The following GRID1 variants were observed in gnomAD, a reference collection of about 807,000 sequenced individuals.
The protein encoded by GRID1 is glutamate receptor ionotropic, delta-1.
A neutral mutation model predicts 98.0 loss-of-function variants in GRID1; 28 were observed. The ratio of observed to expected loss-of-function variants is 0.29; its 90% CI spans 0.21 to 0.39. The LOEUF is 0.39. Among genes scored for constraint, GRID1 ranks in the 10% least tolerant of loss-of-function variants. The pLI is 1.00. For missense variants in GRID1, 1,111 were observed against 1,340.5 expected, an observed-to-expected ratio of 0.83 and a Z score of 2.67; for synonymous variants, 553 against 538.5, an observed-to-expected ratio of 1.03 and a Z score of -0.37.
intron 8 of GRID1, among the ~76,000 whole-genome samples, chr10:85,821,352 A>G (rs757660651): frequency 7.3e-5 from 11 of 151,368 alleles, no homozygotes; most frequent in Admixed American, 1.3e-4. Context: ...CCCCATCTCT[A>G]CTAAAAATAC....
chr10:85,968,635 G>T (rs923099125), intron 4 of GRID1, among the ~76,000 whole-genome samples: 1 of 151,930 alleles, frequency 6.6e-6, no homozygotes, highest in African/African-American at 2.4e-5. Flanking sequence ...ATCTGTTCCA[G>T]TTTGTTTTAA....
In GRID1 at chr10:85,602,442, G is replaced by A. The variant is rs760574481; in HGVS notation, c.2861C>T (p.Pro954Leu). 8.7e-6 allele frequency: 14 copies of A among 1,613,998 alleles called. No homozygotes were observed. The highest frequency in any genetic ancestry group is 4.0e-5 in the African/African-American group (3 of 74,948). ...GGGCATGGTCGCCGAGCTGCTCAGC[G>A]GCAGCGGCAGGTTGCTGCTGGGCCC... ...SSGPSSNLPL[P>L]LSSSATMPSM... The change falls in exon 16 of 16, where the codon CCG (proline) becomes CTG (leucine). Residue 954 changes from proline to leucine, a missense_variant. Pro to Leu is a moderately conservative substitution (Grantham distance 98). Around this residue, in one of 3 missense-constraint regions of GRID1, gnomAD observed 762 missense variants for 869.1 expected, o/e 0.88. Coordinates refer to ENST00000327946, the MANE Select transcript of GRID1 (RefSeq NM_017551.3).
intron 12 of GRID1, among the ~76,000 whole-genome samples, chr10:85,711,204 G>A (rs1841578519): frequency 6.6e-6 from 1 of 151,918 alleles, no homozygotes; most frequent in Non-Finnish European, 1.5e-5. Flanking sequence ...ATTTACAACA[G>A]CTAAAATGTG....
chr10:86,207,276 A>C (rs1368709179), intron 2 of GRID1, among the ~76,000 whole-genome samples: 1 of 152,240 alleles, frequency 6.6e-6, no homozygotes, highest in African/African-American at 2.4e-5. Flanking sequence ...ATACTGGGCC[A>C]AACCCCAGAT....
chr10:85,865,912 CATATAT>C (rs375258556), intron 6 of GRID1, among the ~76,000 whole-genome samples: 6,701 of 83,106 alleles, frequency 0.081, 410 homozygotes, highest in Non-Finnish European at 0.1. Flanking sequence ...TACATATATA[CATATAT>C]ATATATATAT....
chr10:85,773,829 A>G (rs548710565), intron 8 of GRID1, among the ~76,000 whole-genome samples: 8 of 152,360 alleles, frequency 5.3e-5, no homozygotes, highest in African/African-American at 1.9e-4. Context: ...GAAAGAGGAT[A>G]CAAAGAAATG....
At chr10:85,699,081 C>A (rs946024122) in intron 12 of GRID1, among the ~76,000 whole-genome samples, 7 of 152,062 alleles carry the variant, frequency 4.6e-5, no homozygotes, top group African/African-American at 1.7e-4. Flanking sequence ...GAGATAGAGT[C>A]TCACTCTGTG....
intron 3 of GRID1, among the ~76,000 whole-genome samples, chr10:86,181,160 G>A (rs1357706354): frequency 6.6e-6 from 1 of 152,212 alleles, no homozygotes. Context: ...CCTGGTATTT[G>A]CTTACAAACC....
At chr10:86,137,856 T>G (rs889476198) in intron 4 of GRID1, among the ~76,000 whole-genome samples, 1 of 152,172 alleles carries the variant, frequency 6.6e-6, no homozygotes, top group East Asian at 1.9e-4. Flanking sequence ...TCCTGATGCA[T>G]GAGGTAGCAT....
chr10:85,905,217 T>C (rs951470717), intron 5 of GRID1, among the ~76,000 whole-genome samples: 16 of 152,042 alleles, frequency 1.1e-4, no homozygotes, highest in African/African-American at 2.9e-4. Flanking sequence ...AGGAAGATAG[T>C]AAGGCAACAT....
chr10:85,939,378 T>G (rs1841968709), intron 4 of GRID1, among the ~76,000 whole-genome samples: 1 of 152,228 alleles, frequency 6.6e-6, no homozygotes, highest in Non-Finnish European at 1.5e-5. Flanking sequence ...TTTAGTGATT[T>G]AGCAAAAACC....
intron 3 of GRID1, among the ~76,000 whole-genome samples, chr10:86,199,313 G>C (rs1589407727): frequency 1.3e-5 from 2 of 152,124 alleles, no homozygotes; most frequent in Non-Finnish European, 2.9e-5. Context: ...TAAGGAACTA[G>C]AGTTTTCCAT....
chr10:85,939,644 A>G (rs1392767260), intron 4 of GRID1, among the ~76,000 whole-genome samples: 1 of 152,026 alleles, frequency 6.6e-6, no homozygotes, highest in African/African-American at 2.4e-5. Context: ...TTGTGATTCC[A>G]TTGCGCCCAC....
intron 4 of GRID1, among the ~76,000 whole-genome samples, chr10:86,065,944 T>C (rs1430676322): frequency 6.6e-6 from 1 of 152,202 alleles, no homozygotes; most frequent in African/African-American, 2.4e-5. Context: ...GCAGCCCTCC[T>C]TCCTAACAAT....
chr10:85,602,858 T>C lies in GRID1; in HGVS notation c.2602-157A>G, dbSNP rs563692409. 3.3e-5 allele frequency among the ~76,000 whole-genome samples: 5 copies of C among 152,180 alleles called. 1 individual carries two copies. The South Asian group carries it at 6.2e-4, about 19-fold the overall frequency. On this transcript the variant is annotated intron_variant, in intron 15 of 15. Coordinates refer to ENST00000327946, the MANE Select transcript of GRID1 (RefSeq NM_017551.3). ...TGGCTCCCACCTCCCCTCAATTATA[T>C]GGCCAACCCTCAGTTATCTGGAGAA...
At chr10:86,004,348 T>A (rs919071333) in intron 4 of GRID1, among the ~76,000 whole-genome samples, 1 of 152,198 alleles carries the variant, frequency 6.6e-6, no homozygotes, top group African/African-American at 2.4e-5. Flanking sequence ...CTTCCCAAAG[T>A]CCCTCTGTAA....
chr10:86,177,841 C>CA (rs1478458751), intron 3 of GRID1, among the ~76,000 whole-genome samples: 1 of 151,596 alleles, frequency 6.6e-6, no homozygotes, highest in East Asian at 1.9e-4. Flanking sequence ...ACGAGACAGA[C>CA]AGAGACTTCA....
At chr10:86,353,936 G>C (rs1241299473) in intron 2 of GRID1, among the ~76,000 whole-genome samples, 2 of 152,232 alleles carry the variant, frequency 1.3e-5, no homozygotes, top group Non-Finnish European at 2.9e-5. Context: ...ATGGGGCACT[G>C]TTGGGAGGGG....
At chr10:86,177,032 C>T (rs1334430761) in intron 3 of GRID1, among the ~76,000 whole-genome samples, 1 of 152,014 alleles carries the variant, frequency 6.6e-6, no homozygotes, top group Non-Finnish European at 1.5e-5. Context: ...CAGGCATGCA[C>T]GGTACAGTTT....
Sources: allele counts gnomAD v4.1 joint callset (sites outside exome capture counted in the v4.1 genomes callset), GRCh38; gene constraint gnomAD v4.1.1; regional missense constraint gnomAD v4.1.1; transcripts MANE v1.5; gene names NCBI Gene and HGNC (gene_info 2026-07-23, HGNC 2026-07-21).